The following UBR3 variants were observed in gnomAD, a reference collection of about 807,000 sequenced individuals.
UBR3 encodes the protein ubiquitin protein ligase E3 component n-recognin 3, also known as E3 ubiquitin-protein ligase UBR3.
Under a neutral mutation model 243.2 loss-of-function variants are expected in UBR3, and 85 were observed. That is an observed-to-expected ratio of 0.35 (90% CI 0.29 to 0.42). The LOEUF (loss-of-function observed/expected upper bound fraction) is 0.42. Ranked by LOEUF, UBR3 falls within the 10% of genes least tolerant of loss-of-function variation. The pLI, the probability that UBR3 is intolerant of heterozygous loss-of-function variation, is 1.00. For missense variants in UBR3, 1,686 were observed against 2,300.8 expected, an observed-to-expected ratio of 0.73 and a Z score of 5.47; for synonymous variants, 748 against 799.8, an observed-to-expected ratio of 0.94 and a Z score of 1.09.
At chr2:169,898,199 G>A (rs2084663872) in intron 8 of UBR3, among the ~76,000 whole-genome samples, 1 of 152,156 alleles carries the variant, frequency 6.6e-6, no homozygotes, top group South Asian at 2.1e-4. Flanking sequence ...AAATCTTATA[G>A]TTGAGCCTTG....
chr2:169,914,186 G>A (rs2105338894), intron 11 of UBR3, 40 bp downstream of exon 11: 4 of 1,136,980 alleles, frequency 3.5e-6, no homozygotes, highest in South Asian at 3.8e-5. Context: ...TTTGATGTAT[G>A]TAAAGACATT....
At chr2:169,846,818 G>A (rs2082496894) in intron 1 of UBR3, among the ~76,000 whole-genome samples, 1 of 152,012 alleles carries the variant, frequency 6.6e-6, no homozygotes, top group Non-Finnish European at 1.5e-5. Flanking sequence ...CTGCAGTCTT[G>A]ACTTCGTGGG....
In UBR3 at chr2:169,864,846, G is replaced by T. The variant is rs1438689808; in HGVS notation, c.546-7390G>T. ...GGCTTGAACCTGGGAGGCGGAGCTT[G>T]CAGTGAGCCAAGATCGCGCCACTGC... is the stretch of plus-strand genomic sequence containing the variant. On this transcript the variant is annotated intron_variant, in intron 1 of 38. Coordinates refer to ENST00000272793, the MANE Select transcript of UBR3 (RefSeq NM_172070.4). Among the ~76,000 whole-genome samples, 7 of 149,930 alleles carry T rather than the reference G, an allele frequency of 4.7e-5. No homozygotes were observed. The East Asian group carries it at 1.2e-3, about 25-fold the overall frequency.
chr2:170,054,695 T>A (rs2091295558), intron 32 of UBR3, among the ~76,000 whole-genome samples: 2 of 152,222 alleles, frequency 1.3e-5, no homozygotes, highest in Admixed American at 6.5e-5. Flanking sequence ...CATCAAGATT[T>A]TTTTTAACTT....
intron 35 of UBR3, among the ~76,000 whole-genome samples, chr2:170,071,477 G>A (rs543950135): frequency 6.6e-6 from 1 of 152,226 alleles, no homozygotes; most frequent in South Asian, 2.1e-4. Flanking sequence ...TGGCTGCATA[G>A]GAACATAAGC....
In UBR3 at chr2:169,827,585, A is replaced by T. The variant is rs1310061734; in HGVS notation, c.78A>T (p.Leu26=). 2.5e-5 allele frequency: 31 copies of T among 1,251,562 alleles called. No homozygotes were observed. Among genetic ancestry groups the T allele is most frequent in the Non-Finnish European group, 3.0e-5 (30 of 1,001,180 alleles). 77.5% of individuals were successfully genotyped at this position (1,251,562 alleles called of 1,614,324 possible). The change falls in exon 1 of 39, where the codon CTA becomes CTT. Residue 26 remains leucine (L), a synonymous_variant. Coordinates refer to ENST00000272793, the MANE Select transcript of UBR3 (RefSeq NM_172070.4). ...AGCTGCCCGCGCCGGGGCTGGCCCTAGACAAGGCGGCCACCGCCGCGCACC... is the reference window on the plus strand; with the variant it reads ...AGCTGCCCGCGCCGGGGCTGGCCCTTGACAAGGCGGCCACCGCCGCGCACC... The part of the protein sequence containing the change: ...QPELPAPGLA[L]DKAATAAHLK...
chr2:169,844,326 A>G (rs921319526), intron 1 of UBR3, among the ~76,000 whole-genome samples: 2 of 152,084 alleles, frequency 1.3e-5, no homozygotes, highest in South Asian at 4.2e-4. Context: ...AGTGACCTGT[A>G]TCATTTATTC....
chr2:169,984,129 T>A (rs902196071), intron 24 of UBR3, among the ~76,000 whole-genome samples: 54 of 151,384 alleles, frequency 3.6e-4, no homozygotes, highest in African/African-American at 1.3e-3. Context: ...TCATTTAGAT[T>A]TTTTTTTTAG....
intron 8 of UBR3, among the ~76,000 whole-genome samples, chr2:169,902,172 G>A (rs1239683738): frequency 1.3e-5 from 2 of 152,162 alleles, no homozygotes; most frequent in African/African-American, 4.8e-5. Context: ...ATTCCTTGCA[G>A]ATATAGCACA....
chr2:169,990,716 T>TACACACACAC (rs147119929), intron 25 of UBR3, among the ~76,000 whole-genome samples: 1 of 141,966 alleles, frequency 7.0e-6, no homozygotes, highest in African/African-American at 2.7e-5. Context: ...AAAAAAGTTA[T>TACACACACAC]ACACACACAC....
chr2:169,850,342 CCAATTTTAAA>C (rs1344244232), intron 1 of UBR3, among the ~76,000 whole-genome samples: 1 of 152,060 alleles, frequency 6.6e-6, no homozygotes, highest in Non-Finnish European at 1.5e-5. Flanking sequence ...CCATGCTTGG[CCAATTTTAAA>C]ATTTTTTGTA....
intron 35 of UBR3, among the ~76,000 whole-genome samples, chr2:170,067,132 C>T (rs779636493): frequency 6.6e-5 from 10 of 151,922 alleles, no homozygotes; most frequent in Non-Finnish European, 1.0e-4. Flanking sequence ...TAGTTTGAAC[C>T]CTGACCCTAC....
chr2:170,053,642 G>A (rs1447652625), intron 32 of UBR3, among the ~76,000 whole-genome samples: 1 of 152,222 alleles, frequency 6.6e-6, no homozygotes, highest in African/African-American at 2.4e-5. Context: ...CTTTAGCTGG[G>A]ATTATAGGTC....
At chr2:169,968,980 C>T (rs1347571126) in intron 24 of UBR3, among the ~76,000 whole-genome samples, 4 of 151,912 alleles carry the variant, frequency 2.6e-5, no homozygotes, top group Non-Finnish European at 4.4e-5. Context: ...GCCTGTTTGG[C>T]CATTTGTATG....
intron 1 of UBR3, among the ~76,000 whole-genome samples, chr2:169,846,445 CTCACGCCT>C (rs1186276395): frequency 2.6e-5 from 4 of 152,242 alleles, no homozygotes; most frequent in Admixed American, 1.3e-4. Flanking sequence ...GGTGCGCTGG[CTCACGCCT>C]GTAATCCCAG....
At chr2:170,020,705 A>G (rs1035694468) in intron 30 of UBR3, among the ~76,000 whole-genome samples, 1 of 152,222 alleles carries the variant, frequency 6.6e-6, no homozygotes, top group African/African-American at 2.4e-5. Flanking sequence ...TACTTTATCT[A>G]CAGTCATACA....
intron 35 of UBR3, among the ~76,000 whole-genome samples, chr2:170,069,975 A>G (rs2091662772): frequency 6.6e-6 from 1 of 151,978 alleles, no homozygotes; most frequent in Non-Finnish European, 1.5e-5. Flanking sequence ...AATAGTTATT[A>G]TATTATTTGT....
chr2:170,027,622 C>T (rs2090564695), intron 30 of UBR3, among the ~76,000 whole-genome samples: 1 of 151,718 alleles, frequency 6.6e-6, no homozygotes, highest in Non-Finnish European at 1.5e-5. Flanking sequence ...GCCCTTTGAT[C>T]AAGTTAATAC....
intron 1 of UBR3, among the ~76,000 whole-genome samples, chr2:169,857,273 C>T (rs2082919512): frequency 6.6e-6 from 1 of 151,638 alleles, no homozygotes; most frequent in African/African-American, 2.4e-5. Flanking sequence ...TGGGGCTTCG[C>T]CACATTGGCC....
Sources: gnomAD v4.1 joint callset for allele counts (sites outside exome capture counted in the v4.1 genomes callset) on GRCh38, gnomAD v4.1.1 for gene constraint, MANE v1.5 for transcripts, NCBI Gene and HGNC (gene_info 2026-07-23, HGNC 2026-07-21) for gene names.